Variants in TBC1D30 observed in about 807,000 individuals in gnomAD.
TBC1D30 encodes the protein TBC1 domain family member 30, also known as TBC1 domain family, member 30.
TBC1D30 carries 31 observed loss-of-function variants against 63.2 expected under a neutral mutation model. The observed-to-expected ratio is 0.49, with a 90% CI of 0.37 to 0.66. TBC1D30 has a LOEUF of 0.66. TBC1D30 is among the 30% of genes least tolerant of loss of function. TBC1D30 has a pLI of 0.00. For synonymous variants in TBC1D30, 307 were observed against 361.5 expected, an observed-to-expected ratio of 0.85 and a Z score of 1.71; for missense variants, 810 against 953.6, an observed-to-expected ratio of 0.85 and a Z score of 1.98.
intron 6 of TBC1D30, 39 bp downstream of exon 6, chr12:64,836,697 CTT>C: frequency 6.7e-7 from 1 of 1,496,576 alleles, no homozygotes; most frequent in Admixed American, 2.0e-5. Context: ...AAATATTTGT[CTT>C]CTCTGATTCC....
At chr12:64,786,701 A>G (rs900768368) in intron 2 of TBC1D30, among the ~76,000 whole-genome samples, 13 of 152,044 alleles carry the variant, frequency 8.6e-5, no homozygotes, top group Non-Finnish European at 1.8e-4. Flanking sequence ...CTATAATCCC[A>G]GCACTTTTGG....
intron 2 of TBC1D30, among the ~76,000 whole-genome samples, chr12:64,814,040 C>T (rs1873377542): frequency 6.6e-6 from 1 of 152,158 alleles, no homozygotes; most frequent in South Asian, 2.1e-4. Flanking sequence ...ATTTGGAATA[C>T]AGGTGTTAAG....
chr12:64,838,769 T>C lies in TBC1D30; in HGVS notation c.850T>C (p.Leu284=), dbSNP rs748653904. 10 of 1,536,414 alleles carry C rather than the reference T, an allele frequency of 6.5e-6. No individual in the cohort carries two copies. The highest frequency in any genetic ancestry group is 8.7e-6 in the Non-Finnish European group (10 of 1,146,968). The part of the protein sequence containing the change: ...FATCLPNQTV[L]KIWDSVFFEG... The stretch of plus-strand genomic sequence containing the variant: ...CACATGCCTCCCTAATCAGACCGTT[T>C]TAAAGATCTGGGATTCAGTCTTCTT... The change falls in exon 7 of 12, where the codon TTA becomes CTA. Residue 284 remains leucine, a synonymous_variant. Coordinates refer to ENST00000539867, the MANE Select transcript of TBC1D30 (RefSeq NM_015279.2).
chr12:64,867,609 C>T (rs1878333889), intron 10 of TBC1D30, among the ~76,000 whole-genome samples: 1 of 152,106 alleles, frequency 6.6e-6, no homozygotes, highest in African/African-American at 2.4e-5. Context: ...TTGGATTCAA[C>T]TTTGTATGCT....
intron 2 of TBC1D30, chr12:64,786,089 G>A (rs1211251489): frequency 5.6e-6 from 7 of 1,256,110 alleles, no homozygotes; most frequent in Non-Finnish European, 7.3e-6. Flanking sequence ...CATGCAACTA[G>A]AATGTTAGGA....
chr12:64,760,131 T>C (rs989749643), intron 1 of TBC1D30, among the ~76,000 whole-genome samples: 5 of 152,184 alleles, frequency 3.3e-5, no homozygotes, highest in African/African-American at 1.2e-4. Context: ...TTGGAACATG[T>C]TGGAGGATGT....
At chr12:64,780,804 G>A in exon 1 of TBC1D30, 2 of 991,562 alleles carry the variant, frequency 2.0e-6, no homozygotes, top group South Asian at 4.3e-5. Context: ...CGCGCGCCGG[G>A]GACCATGGAC....
chr12:64,831,806 CA>C (rs1874882672), intron 4 of TBC1D30, among the ~76,000 whole-genome samples: 1 of 152,122 alleles, frequency 6.6e-6, no homozygotes, highest in South Asian at 2.1e-4. Context: ...TTAAAACAAT[CA>C]ATTTACATGA....
chr12:64,857,231 C>G (rs2136440042), intron 8 of TBC1D30, among the ~76,000 whole-genome samples: 1 of 152,310 alleles, frequency 6.6e-6, no homozygotes, highest in South Asian at 2.1e-4. Context: ...TGTCTCAGAG[C>G]TCGGGCCCAT....
In TBC1D30 at chr12:64,878,624, A is replaced by G. The variant is rs1243443848; in HGVS notation, c.*2836A>G. ...CAAAGCTATATGCATAAAGATTCTCATTGTTGTAACTGTTCTGCCATTTTC... is the reference window on the plus strand; with the variant it reads ...CAAAGCTATATGCATAAAGATTCTCGTTGTTGTAACTGTTCTGCCATTTTC... On this transcript the variant is annotated 3_prime_UTR_variant, in exon 12 of 12. Coordinates refer to ENST00000539867, the MANE Select transcript of TBC1D30 (RefSeq NM_015279.2). 2.2e-6 allele frequency: 1 copy of G among 445,884 alleles called. No individual in the cohort carries two copies. Among genetic ancestry groups the G allele is most frequent in the South Asian group, 1.6e-5 (1 of 63,224 alleles). 27.6% of individuals were successfully genotyped at this position (445,884 alleles called of 1,614,324 possible). A position where few individuals can be genotyped will look rare whatever the true frequency, so the allele number is the denominator to read the frequency against.
At chr12:64,825,281 G>A (rs1874217667) in intron 1 of TBC1D30, 1 of 456,998 alleles carries the variant, frequency 2.2e-6, no homozygotes, top group East Asian at 3.8e-5. Context: ...CTCTCCCCGC[G>A]GACCCCCACC....
At chr12:64,867,567 T>A (rs1878329366) in intron 10 of TBC1D30, among the ~76,000 whole-genome samples, 1 of 152,212 alleles carries the variant, frequency 6.6e-6, no homozygotes, top group Non-Finnish European at 1.5e-5. Context: ...TACACATTTC[T>A]TTTTCTCTGT....
At position 64,851,430 on chromosome 12, in the gene TBC1D30, G is replaced by A. The variant is rs149847567; in HGVS notation, c.1038+7945G>A. Among the ~76,000 whole-genome samples, 23 of 152,264 alleles carry A rather than the reference G, an allele frequency of 1.5e-4. No individual in the cohort carries two copies. The East Asian group carries it at 2.1e-3, about 14-fold the overall frequency. On this transcript the variant is annotated intron_variant, in intron 8 of 11. Coordinates refer to ENST00000539867, the MANE Select transcript of TBC1D30 (RefSeq NM_015279.2). ...TTTTGAGCCTATGTAGTCTTTGCAC[G>A]TGAGATGGGTCTTCTGAGTACAGCA... is the stretch of plus-strand genomic sequence containing the variant.
At chr12:64,831,947 A>C (rs1187450060) in intron 4 of TBC1D30, among the ~76,000 whole-genome samples, 172 bp from the exon 5 acceptor site, 2 of 152,208 alleles carry the variant, frequency 1.3e-5, no homozygotes, top group Non-Finnish European at 2.9e-5. Flanking sequence ...ACAAAATATT[A>C]TGAAAAAGAA....
At chr12:64,826,611 G>C (rs1284710884) in intron 1 of TBC1D30, among the ~76,000 whole-genome samples, 1 of 152,040 alleles carries the variant, frequency 6.6e-6, no homozygotes, top group African/African-American at 2.4e-5. Context: ...TCTATGTTTG[G>C]GCAGGACTTC....
intron 2 of TBC1D30, among the ~76,000 whole-genome samples, chr12:64,802,708 C>T (rs1872651700): frequency 6.6e-6 from 1 of 152,108 alleles, no homozygotes; most frequent in Admixed American, 6.5e-5. Context: ...CAAGTGTTCT[C>T]ATTGTTCAGT....
intron 4 of TBC1D30, among the ~76,000 whole-genome samples, chr12:64,831,268 T>C (rs1342843973): frequency 2.6e-5 from 4 of 152,222 alleles, no homozygotes; most frequent in African/African-American, 7.2e-5. Flanking sequence ...TCTAACTTGG[T>C]TTCAGACAAA....
intron 2 of TBC1D30, among the ~76,000 whole-genome samples, chr12:64,808,720 T>C (rs1873028460): frequency 6.6e-6 from 1 of 152,128 alleles, no homozygotes; most frequent in Non-Finnish European, 1.5e-5. Context: ...TCTGTGCCTA[T>C]TAAACAGTAA....
intron 2 of TBC1D30, among the ~76,000 whole-genome samples, chr12:64,817,303 C>CT (rs1213817117): frequency 6.6e-6 from 1 of 152,194 alleles, no homozygotes; most frequent in Non-Finnish European, 1.5e-5. Context: ...TATGCCATGA[C>CT]TTTCATTATG....
Sources: allele counts gnomAD v4.1 joint callset (sites outside exome capture counted in the v4.1 genomes callset), GRCh38; gene constraint gnomAD v4.1.1; transcripts MANE v1.5; gene names NCBI Gene and HGNC (gene_info 2026-07-23, HGNC 2026-07-21).